SAMMSON: variants seen among roughly 807,000 people sequenced by gnomAD.
The protein encoded by SAMMSON is survival associated mitochondrial melanoma specific oncogenic non-coding RNA.
chr3:70,254,563 C>T (rs906678078), intron 6 of SAMMSON, among the ~76,000 whole-genome samples: 1 of 152,052 alleles, frequency 6.6e-6, no homozygotes, highest in Non-Finnish European at 1.5e-5. Context: ...TCTATTTTCC[C>T]TAATGGTGAG....
Position 70,142,278 on chromosome 3 carries a change from C to A in SAMMSON, n.507+70713C>A, listed in dbSNP as rs188599021. 9.3e-3 allele frequency among the ~76,000 whole-genome samples: 1,416 copies of A among 152,232 alleles called. 94 individuals are homozygous for A. Among genetic ancestry groups the A allele is most frequent in the Admixed American group, 0.085 (1,300 of 15,284 alleles). On this transcript the variant is annotated intron_variant and non_coding_transcript_variant, in intron 4 of 9. Transcript: ENST00000642114. The stretch of plus-strand genomic sequence containing the variant: ...CACAATTGCGAAAACATGGAACCAA[C>A]CCAAGTGGCCATCAATCAACAAGTG...
Position 70,109,526 on chromosome 3 carries a change from G to A in SAMMSON, n.507+37961G>A, listed in dbSNP as rs545393804. On this transcript the variant is annotated intron_variant and non_coding_transcript_variant, in intron 4 of 9. Coordinates refer to ENST00000642114, the Ensembl canonical transcript of SAMMSON. Reference sequence around the variant, plus strand: ...GAGAGAACATGCAGGGGAAGAGCTTGGCCTCTGAGGTTCTGCAGTTTCATC... The same window carrying A: ...GAGAGAACATGCAGGGGAAGAGCTTAGCCTCTGAGGTTCTGCAGTTTCATC... Among the ~76,000 whole-genome samples the A allele has an allele frequency of 1.1e-3, 167 of 152,222 alleles. 1 individual carries two copies. The highest frequency in any genetic ancestry group is 3.9e-3 in the African/African-American group (161 of 41,538).
chr3:70,005,140 A>C (rs1478912979), intron 1 of SAMMSON, among the ~76,000 whole-genome samples: 1 of 152,178 alleles, frequency 6.6e-6, no homozygotes, highest in Non-Finnish European at 1.5e-5. Context: ...ATCCTGGGCC[A>C]ATAGAAATTC....
intron 2 of SAMMSON, among the ~76,000 whole-genome samples, chr3:70,417,604 G>A (rs775589867): frequency 1.3e-5 from 2 of 152,140 alleles, no homozygotes; most frequent in Non-Finnish European, 2.9e-5. Context: ...GCTCAGCTAC[G>A]AGTATCATCT....
intron 4 of SAMMSON, among the ~76,000 whole-genome samples, chr3:70,109,698 G>A (rs1480481240): frequency 6.6e-6 from 1 of 152,156 alleles, no homozygotes; most frequent in African/African-American, 2.4e-5. Context: ...AGATTGTGTG[G>A]CTAATACACG....
intron 3 of SAMMSON, among the ~76,000 whole-genome samples, chr3:70,058,467 G>T (rs1390762134): frequency 1.3e-5 from 2 of 151,998 alleles, no homozygotes; most frequent in Non-Finnish European, 2.9e-5. Flanking sequence ...TGAAGCTATG[G>T]GGAAAATTTC....
At chr3:70,017,081 G>A (rs549548704) in intron 3 of SAMMSON, among the ~76,000 whole-genome samples, 2 of 152,152 alleles carry the variant, frequency 1.3e-5, no homozygotes, top group Admixed American at 6.5e-5. Flanking sequence ...CTCTTTTTTG[G>A]TTCTATATGA....
At chr3:70,307,362 C>T (rs1702412295) in intron 7 of SAMMSON, among the ~76,000 whole-genome samples, 1 of 152,076 alleles carries the variant, frequency 6.6e-6, no homozygotes, top group African/African-American at 2.4e-5. Flanking sequence ...CTGCAAATGG[C>T]AACAATTTAA....
chr3:70,240,275 T>C (rs1378303359), intron 4 of SAMMSON, among the ~76,000 whole-genome samples: 1 of 152,020 alleles, frequency 6.6e-6, no homozygotes, highest in East Asian at 1.9e-4. Flanking sequence ...TTTTCCTATA[T>C]TATCTCATCT....
At chr3:70,380,024 A>T (rs1271651920) in intron 9 of SAMMSON, among the ~76,000 whole-genome samples, 1 of 152,144 alleles carries the variant, frequency 6.6e-6, no homozygotes, top group East Asian at 1.9e-4. Context: ...AATAAAAGAA[A>T]AAGTTAAAGC....
intron 6 of SAMMSON, among the ~76,000 whole-genome samples, chr3:70,271,473 A>C (rs1384509240): frequency 6.6e-6 from 1 of 152,164 alleles, no homozygotes; most frequent in Non-Finnish European, 1.5e-5. Flanking sequence ...TGGAATTTGT[A>C]TGACAAATTT....
At chr3:70,409,517 A>G (rs1036223334) in intron 2 of SAMMSON, among the ~76,000 whole-genome samples, 2 of 151,916 alleles carry the variant, frequency 1.3e-5, no homozygotes, top group Non-Finnish European at 2.9e-5. Context: ...AGTGTTGATC[A>G]TGGAATGTGT....
At chr3:70,341,472 T>G (rs1427716851) in intron 7 of SAMMSON, among the ~76,000 whole-genome samples, 1 of 152,196 alleles carries the variant, frequency 6.6e-6, no homozygotes, top group African/African-American at 2.4e-5. Context: ...GAATCCTAGT[T>G]GGTCAAAACA....
intron 6 of SAMMSON, among the ~76,000 whole-genome samples, chr3:70,252,829 C>T (rs571367905): frequency 6.6e-6 from 1 of 152,222 alleles, no homozygotes; most frequent in Admixed American, 6.5e-5. Flanking sequence ...CCTGTAATCC[C>T]AGCACTTTGG....
intron 9 of SAMMSON, among the ~76,000 whole-genome samples, chr3:70,386,568 A>G (rs1703124160): frequency 2.0e-5 from 3 of 152,098 alleles, no homozygotes; most frequent in Admixed American, 1.3e-4. Context: ...CAGGGATTAG[A>G]CTACGCTACA....
intron 4 of SAMMSON, among the ~76,000 whole-genome samples, chr3:70,237,898 C>T (rs552840417): frequency 1.4e-3 from 204 of 147,370 alleles, no homozygotes; most frequent in African/African-American, 4.9e-3. Flanking sequence ...GGAGGATGAA[C>T]TTACCAGGAT....
At chr3:70,027,904 C>T (rs557496182) in intron 3 of SAMMSON, among the ~76,000 whole-genome samples, 1 of 152,256 alleles carries the variant, frequency 6.6e-6, no homozygotes, top group East Asian at 1.9e-4. Flanking sequence ...ATACAGAAGA[C>T]ATCTCAAAGC....
At chr3:70,216,330 T>C (rs1382106592) in intron 4 of SAMMSON, among the ~76,000 whole-genome samples, 1 of 150,776 alleles carries the variant, frequency 6.6e-6, no homozygotes, top group African/African-American at 2.4e-5. Context: ...TTTATATATA[T>C]ATATAAACTT....
intron 7 of SAMMSON, among the ~76,000 whole-genome samples, chr3:70,328,973 A>G (rs1232843155): frequency 6.6e-6 from 1 of 152,196 alleles, no homozygotes; most frequent in African/African-American, 2.4e-5. Flanking sequence ...GACAACAGAC[A>G]GTAGCCATCT....
Sources: gnomAD v4.1 joint callset for allele counts (sites outside exome capture counted in the v4.1 genomes callset) on GRCh38, gnomAD v4.1.1 for gene constraint, MANE v1.5 for transcripts, NCBI Gene and HGNC (gene_info 2026-07-23, HGNC 2026-07-21) for gene names.